Variants in DEAF1 observed in about 807,000 individuals in gnomAD.
DEAF1 encodes the protein DEAF1 transcription factor, also known as deformed epidermal autoregulatory factor 1 homolog.
Under a neutral mutation model 58.9 loss-of-function variants are expected in DEAF1, and 53 were observed. The observed-to-expected ratio is 0.90, with a 90% CI of 0.72 to 1.13. The LOEUF (loss-of-function observed/expected upper bound fraction) is 1.13. Among genes scored for constraint, DEAF1 ranks in the 50% most tolerant of loss-of-function variants. The pLI, the probability that DEAF1 is intolerant of heterozygous loss-of-function variation, is 0.00. For missense variants in DEAF1, 685 were observed against 791.4 expected (o/e 0.87, Z 1.61); for synonymous variants, 385 against 340.4 (o/e 1.13, Z -1.44).
chr11:695,014 C>G lies in DEAF1; in HGVS notation c.34G>C (p.Gly12Arg). 7.1e-7 allele frequency: 1 copy of G among 1,398,610 alleles called. No individual in the cohort carries two copies. The highest frequency in any genetic ancestry group is 9.3e-7 in the Non-Finnish European group (1 of 1,073,106). 86.6% of individuals were successfully genotyped at this position (1,398,610 alleles called of 1,614,324 possible). ...EDSDSAAKQL[G>R]LAEAAAVAAA... The stretch of plus-strand genomic sequence containing the variant: ...GCCACCGCCGCCGCCTCAGCCAGGC[C>G]CAGCTGCTTTGCCGCCGAGTCCGAG... The change falls in exon 1 of 12, where the codon GGC becomes CGC. Residue 12 changes from glycine (G) to arginine (R), a missense_variant. Gly to Arg is a moderately radical substitution (Grantham distance 125). Transcript: ENST00000382409.
chr11:684,974 A>T lies in DEAF1; in HGVS notation c.805-11T>A. ...GTTTAAGATCCCATCCTGAGATGTG[A>T]AAAGAACCACCATGCATTAGCAAGT... is the stretch of plus-strand genomic sequence containing the variant. On this transcript the variant is annotated splice_polypyrimidine_tract_variant and intron_variant, in intron 5 of 11. Coordinates refer to ENST00000382409, the MANE Select transcript of DEAF1 (RefSeq NM_021008.4). 6.4e-7 allele frequency: 1 copy of T among 1,551,456 alleles called. No individual in the cohort carries two copies. Among genetic ancestry groups the T allele is most frequent in the Non-Finnish European group, 8.7e-7 (1 of 1,146,790 alleles).
At chr11:652,860 G>C (rs1323126212) in intron 11 of DEAF1, among the ~76,000 whole-genome samples, 1 of 152,044 alleles carries the variant, frequency 6.6e-6, no homozygotes, top group Non-Finnish European at 1.5e-5. Context: ...AAGGTGGGTG[G>C]ATCACCTGAG....
At position 688,546 on chromosome 11, in the gene DEAF1, G is replaced by A; in HGVS notation, c.388-86C>T. The A allele has an allele frequency of 6.4e-7, 1 of 1,556,250 alleles. No homozygotes were observed. The highest frequency in any genetic ancestry group is 8.8e-7 in the Non-Finnish European group (1 of 1,136,360). ...GCCCAGCTGGGCCGTCCTCCAGCAG[G>A]GCTCTCTGGCTGTTCTCACCAAGAA... On this transcript the variant is annotated intron_variant, in intron 2 of 11. Coordinates refer to ENST00000382409, the MANE Select transcript of DEAF1 (RefSeq NM_021008.4). The surrounding 1 kb of genome is among the most constrained non-coding windows in gnomAD (Gnocchi z 4.3).
intron 5 of DEAF1, among the ~76,000 whole-genome samples, chr11:685,795 C>T (rs1430505068): frequency 6.6e-6 from 1 of 151,500 alleles, no homozygotes; most frequent in Non-Finnish European, 1.5e-5. Context: ...GCGGGTGGCT[C>T]ACTTAAGGTC....
At chr11:649,972 G>A (rs1374621612) in intron 11 of DEAF1, among the ~76,000 whole-genome samples, 1 of 152,102 alleles carries the variant, frequency 6.6e-6, no homozygotes, top group East Asian at 1.9e-4. Context: ...GTTGCAGTGG[G>A]CTGAGATCGT....
intron 10 of DEAF1, among the ~76,000 whole-genome samples, chr11:658,578 C>T (rs1049344576): frequency 4.6e-5 from 7 of 152,290 alleles, no homozygotes; most frequent in East Asian, 1.9e-4. Flanking sequence ...CACAGGACTG[C>T]GGATGGCACA....
intron 10 of DEAF1, chr11:673,905 A>C (rs891681701): frequency 1.9e-5 from 3 of 158,436 alleles, no homozygotes; most frequent in African/African-American, 7.2e-5. Flanking sequence ...ATTACCTCAA[A>C]GTCTTCAATC....
At chr11:700,204 C>T, upstream of DEAF1, 1 of 1,614,130 alleles carries the variant, frequency 6.2e-7, no homozygotes. Context: ...CCCTGTATTT[C>T]CTCGCCACGC....
chr11:689,352 C>G (rs1041887548), intron 2 of DEAF1, among the ~76,000 whole-genome samples: 2 of 151,326 alleles, frequency 1.3e-5, no homozygotes, highest in East Asian at 3.9e-4. Context: ...ACTACACACG[C>G]CCACCACCAC....
rs187636821 is a variant in DEAF1, at chr11:669,905, G to C, written c.1503+4631C>G. Among the ~76,000 whole-genome samples the C allele has an allele frequency of 3.4e-3, 484 of 140,304 alleles. 8 individuals carry two copies. The highest frequency in any genetic ancestry group is 0.034 in the Admixed American group (439 of 13,072). The allele number at this position is 140,304 out of a possible 152,430, so 92.0% of individuals were successfully genotyped here. A position where few individuals can be genotyped will look rare whatever the true frequency, so the allele number is the denominator to read the frequency against. ...AGATTGCATCAGTGTACTCCAGCCT[G>C]GGTGACAGTGTGAGACTGTCTCAAA... On this transcript the variant is annotated intron_variant, in intron 10 of 11. Transcript: ENST00000382409.
intron 10 of DEAF1, among the ~76,000 whole-genome samples, chr11:661,366 TC>T (rs1450946083): frequency 2.0e-5 from 3 of 151,928 alleles, no homozygotes; most frequent in Admixed American, 6.6e-5. Flanking sequence ...CTGGCAACAA[TC>T]CCCTTAATAG....
At chr11:682,049 A>G (rs1289691591) in intron 6 of DEAF1, among the ~76,000 whole-genome samples, 1 of 152,176 alleles carries the variant, frequency 6.6e-6, no homozygotes, top group Non-Finnish European at 1.5e-5. Context: ...TTTATTACTC[A>G]GGTACGGAGC....
At chr11:701,076 C>G in intron 1 of DEAF1, 1 of 286,392 alleles carries the variant, frequency 3.5e-6, no homozygotes, top group South Asian at 3.9e-5. Flanking sequence ...GGAGAGAGCC[C>G]TGGAGAGTTC....
chr11:674,874 G>A (rs762126434), intron 9 of DEAF1, 91 bp from the exon 10 acceptor site: 2 of 1,561,436 alleles, frequency 1.3e-6, no homozygotes, highest in African/African-American at 2.7e-5. Flanking sequence ...GCCGGGCGCG[G>A]TGGCTCACGC....
At chr11:670,578 G>A (rs189614741) in intron 10 of DEAF1, among the ~76,000 whole-genome samples, 2 of 151,418 alleles carry the variant, frequency 1.3e-5, no homozygotes, top group Middle Eastern at 3.2e-3. Context: ...AGCTGGGCGT[G>A]GTTGCACATA....
At chr11:687,049 G>A in intron 4 of DEAF1, 52 bp from the exon 5 acceptor site, 6 of 1,611,262 alleles carry the variant, frequency 3.7e-6, no homozygotes, top group Non-Finnish European at 4.2e-6. Context: ...CGTCACCTCT[G>A]CCATTGCCTA....
chr11:651,960 A>G (rs989467694), intron 11 of DEAF1, among the ~76,000 whole-genome samples: 1 of 152,260 alleles, frequency 6.6e-6, no homozygotes, highest in Non-Finnish European at 1.5e-5. Flanking sequence ...AATAAGGGGT[A>G]GAACAAATAG....
chr11:651,316 T>C, intron 11 of DEAF1: 1 of 279,752 alleles, frequency 3.6e-6, no homozygotes, highest in Non-Finnish European at 7.0e-6. Flanking sequence ...GCCTCATGCC[T>C]ATAATCCTAG....
At chr11:646,098 C>T (rs1017203392) in intron 11 of DEAF1, among the ~76,000 whole-genome samples, 8 of 151,856 alleles carry the variant, frequency 5.3e-5, no homozygotes, top group African/African-American at 7.3e-5. Flanking sequence ...ACTAAAAATA[C>T]AAAAACTAGC....
Sources: gnomAD v4.1 joint callset for allele counts (sites outside exome capture counted in the v4.1 genomes callset) on GRCh38, gnomAD v4.1.1 for gene constraint, Gnocchi (gnomAD v3.1) non-coding constraint, MANE v1.5 for transcripts, NCBI Gene and HGNC (gene_info 2026-07-23, HGNC 2026-07-21) for gene names.